The following CDH4 variants were observed in gnomAD, a reference collection of about 807,000 sequenced individuals.
The protein encoded by CDH4 is cadherin 4.
Under a neutral mutation model 86.0 loss-of-function variants are expected in CDH4, and 33 were observed. The ratio of observed to expected loss-of-function variants is 0.38; its 90% confidence interval spans 0.29 to 0.51. The LOEUF (loss-of-function observed/expected upper bound fraction) is 0.51, where lower values mean the gene tolerates loss of function less well. Among genes scored for constraint, CDH4 ranks in the 20% least tolerant of loss-of-function variants. CDH4 has a pLI of 0.86. For synonymous variants in CDH4, 555 were observed against 549.4 expected (o/e 1.01, Z -0.14); for missense variants, 1,114 against 1,307.4 (o/e 0.85, Z 2.28).
intron 2 of CDH4, among the ~76,000 whole-genome samples, chr20:61,291,814 G>A (rs2084322891): frequency 6.6e-6 from 1 of 152,162 alleles, no homozygotes; most frequent in South Asian, 2.1e-4. Context: ...CGTGTCACAA[G>A]GGCTTATTAT....
chr20:61,354,128 G>C (rs909848647), intron 2 of CDH4, among the ~76,000 whole-genome samples: 1 of 152,056 alleles, frequency 6.6e-6, no homozygotes. Flanking sequence ...GCATCGTGTA[G>C]GTGGAGGCCA....
At chr20:61,664,592 G>A (rs756555130) in intron 2 of CDH4, among the ~76,000 whole-genome samples, 3 of 152,270 alleles carry the variant, frequency 2.0e-5, no homozygotes, top group Non-Finnish European at 2.9e-5. Flanking sequence ...AGACCCAGGA[G>A]CAGGTCTTGC....
At chr20:61,862,196 C>A (rs1009945410) in intron 6 of CDH4, among the ~76,000 whole-genome samples, 1 of 152,168 alleles carries the variant, frequency 6.6e-6, no homozygotes, top group Non-Finnish European at 1.5e-5. Context: ...CCTTGACACC[C>A]GGAGAGTCAC....
At chr20:61,304,770 T>G (rs913604508) in intron 2 of CDH4, among the ~76,000 whole-genome samples, 1 of 151,932 alleles carries the variant, frequency 6.6e-6, no homozygotes, top group African/African-American at 2.4e-5. Flanking sequence ...GTTGTGTGTG[T>G]GGGGTTGTGT....
Position 61,773,058 on chromosome 20 carries a change from C to T in CDH4, c.452C>T (p.Thr151Ile), listed in dbSNP as rs752039301. The change falls in exon 4 of 16, where the codon ACC (threonine) becomes ATC (isoleucine). Residue 151 changes from threonine to isoleucine, a missense_variant. Around this residue, in one of 3 missense-constraint regions of CDH4, gnomAD observed 221 missense variants for 209.5 expected, o/e 1.05. Transcript: ENST00000614565. ...ALDPSPPPKD[T>I]LLPWPQHQNA... ...GACCCCTCTCCGCCTCCGAAGGACA[C>T]CCTGCTGCCGTGGCCCCAGCACCAG... The T allele has an allele frequency of 4.3e-6, 7 of 1,613,662 alleles. No individual in the cohort carries two copies. Among genetic ancestry groups the T allele is most frequent in the Admixed American group, 1.7e-5 (1 of 60,002 alleles).
chr20:61,563,017 T>C (rs1166029634), intron 2 of CDH4, among the ~76,000 whole-genome samples: 1 of 152,096 alleles, frequency 6.6e-6, no homozygotes, highest in Non-Finnish European at 1.5e-5. Context: ...CTCACAGTCT[T>C]GTCCAGCGGC....
intron 2 of CDH4, among the ~76,000 whole-genome samples, chr20:61,542,581 G>A (rs541257583): frequency 7.4e-4 from 112 of 152,162 alleles, no homozygotes; most frequent in African/African-American, 2.5e-3. Flanking sequence ...AACAAATATC[G>A]TATTTTCCAC....
chr20:61,737,840 CTG>C (rs1303818696), intron 2 of CDH4, among the ~76,000 whole-genome samples: 4 of 152,168 alleles, frequency 2.6e-5, no homozygotes, highest in African/African-American at 9.7e-5. Flanking sequence ...GAAACAAAGA[CTG>C]TGCTCAGAGA....
At chr20:61,281,400 G>C (rs1249122637) in intron 2 of CDH4, among the ~76,000 whole-genome samples, 1 of 152,320 alleles carries the variant, frequency 6.6e-6, no homozygotes, top group East Asian at 1.9e-4. Flanking sequence ...CAGCAGGAAG[G>C]CACCATCCGT....
chr20:61,770,183 G>C (rs569696283), intron 3 of CDH4, among the ~76,000 whole-genome samples: 1 of 152,162 alleles, frequency 6.6e-6, no homozygotes, highest in Admixed American at 6.5e-5. Context: ...GGCTGAAGTC[G>C]AGACCCCTGG....
intron 2 of CDH4, among the ~76,000 whole-genome samples, chr20:61,340,223 G>A (rs1408518242): frequency 1.3e-5 from 2 of 152,152 alleles, no homozygotes; most frequent in Non-Finnish European, 2.9e-5. Context: ...AGAACCAACA[G>A]GTGACGAGGA....
intron 7 of CDH4, among the ~76,000 whole-genome samples, chr20:61,892,628 G>T (rs759388746): frequency 6.6e-6 from 1 of 152,228 alleles, no homozygotes; most frequent in Non-Finnish European, 1.5e-5. Context: ...ATGGAGTGCT[G>T]TGGCCATGTT....
chr20:61,335,742 G>A (rs1753476600), intron 2 of CDH4, among the ~76,000 whole-genome samples: 1 of 152,162 alleles, frequency 6.6e-6, no homozygotes, highest in Non-Finnish European at 1.5e-5. Flanking sequence ...CTCGGGTGCC[G>A]AAGGCTCAGG....
chr20:61,777,279 C>T (rs1011601424), intron 4 of CDH4, among the ~76,000 whole-genome samples: 2 of 151,966 alleles, frequency 1.3e-5, no homozygotes, highest in African/African-American at 2.4e-5. Flanking sequence ...GAGTGATAGA[C>T]GTGATCTCAG....
At chr20:61,339,444 T>TG (rs2084637735) in intron 2 of CDH4, among the ~76,000 whole-genome samples, 1 of 149,972 alleles carries the variant, frequency 6.7e-6, no homozygotes, top group Admixed American at 6.8e-5. Context: ...GTGTGCGCCT[T>TG]GCACATGTGC....
chr20:61,534,649 TTTTC>T lies in CDH4; in HGVS notation c.170-208898_170-208895del, dbSNP rs1212971094. 6.1e-4 allele frequency among the ~76,000 whole-genome samples: 66 copies of T among 108,980 alleles called. 2 individuals carry two copies. The highest frequency in any genetic ancestry group is 2.0e-3 in the African/African-American group (54 of 26,752). 71.5% of individuals were successfully genotyped at this position (108,980 alleles called of 152,430 possible). A position where few individuals can be genotyped will look rare whatever the true frequency, so the allele number is the denominator to read the frequency against. ...GGTGGTTTTTTCTTTTCTTTCTTTCTTTTCTTTCTTTCTTTCTTTTTTTTTTTTT... is the reference window on the plus strand; with the variant it reads ...GGTGGTTTTTTCTTTTCTTTCTTTCTTTTCTTTCTTTCTTTTTTTTTTTTT... On this transcript the variant is annotated intron_variant, in intron 2 of 15. Coordinates refer to ENST00000614565, the MANE Select transcript of CDH4 (RefSeq NM_001794.5).
At position 61,516,782 on chromosome 20, in the gene CDH4, G is replaced by A. The variant is rs541938840; in HGVS notation, c.170-226781G>A. Among the ~76,000 whole-genome samples, 52 of 152,232 alleles carry A rather than the reference G, an allele frequency of 3.4e-4. No individual in the cohort carries two copies. The highest frequency in any genetic ancestry group is 1.1e-3 in the African/African-American group (45 of 41,532). On this transcript the variant is annotated intron_variant, in intron 2 of 15. Transcript: ENST00000614565. The surrounding 1 kb of genome is among the most constrained non-coding windows in gnomAD (Gnocchi z 4.0). ...CTCCGTTCCCAGGTCAGTGAGTGTCGGTTTGGCGATCACACTTGCTTTCTT... is the reference window on the plus strand; with the variant it reads ...CTCCGTTCCCAGGTCAGTGAGTGTCAGTTTGGCGATCACACTTGCTTTCTT...
intron 4 of CDH4, among the ~76,000 whole-genome samples, chr20:61,828,952 G>C (rs1047443222): frequency 2.6e-5 from 4 of 152,228 alleles, no homozygotes; most frequent in African/African-American, 4.8e-5. Context: ...CTCACAAGGA[G>C]CGTGCAGCCT....
At chr20:61,777,979 C>T (rs1023753892) in intron 4 of CDH4, among the ~76,000 whole-genome samples, 1 of 152,228 alleles carries the variant, frequency 6.6e-6, no homozygotes, top group Non-Finnish European at 1.5e-5. Context: ...TACACACATC[C>T]ACATGCACAC....
Sources: gnomAD v4.1 joint callset for allele counts (sites outside exome capture counted in the v4.1 genomes callset) on GRCh38, gnomAD v4.1.1 for gene constraint, gnomAD v4.1.1 regional missense constraint, Gnocchi (gnomAD v3.1) non-coding constraint, MANE v1.5 for transcripts, NCBI Gene and HGNC (gene_info 2026-07-23, HGNC 2026-07-21) for gene names.